The following NTM variants were observed in gnomAD, a reference collection of about 807,000 sequenced individuals.
NTM encodes the protein IgLON family member 2.
In NTM, 13 loss-of-function variants were observed where a neutral mutation model predicts 42.1. That is an observed-to-expected ratio of 0.31 (90% CI 0.20 to 0.49). The LOEUF is 0.49. Ranked by LOEUF, NTM falls within the 20% of genes least tolerant of loss-of-function variation. The pLI, the probability that NTM is intolerant of heterozygous loss-of-function variation, is 0.99. For missense variants in NTM, 373 were observed against 452.8 expected (o/e 0.82, Z 1.60); for synonymous variants, 187 against 179.2 (o/e 1.04, Z -0.35).
intron 4 of NTM, among the ~76,000 whole-genome samples, chr11:132,213,155 T>C (rs2083169423): frequency 6.6e-6 from 1 of 152,138 alleles, no homozygotes; most frequent in South Asian, 2.1e-4. Flanking sequence ...TGATTATGTA[T>C]GTATATATGT....
chr11:131,871,124 A>G (rs2047737790), intron 1 of NTM, among the ~76,000 whole-genome samples: 1 of 152,200 alleles, frequency 6.6e-6, no homozygotes, highest in South Asian at 2.1e-4. Context: ...CACTACCAAG[A>G]AAGAGTTTGT....
At chr11:131,650,082 C>A (rs570657495) in intron 1 of NTM, among the ~76,000 whole-genome samples, 1 of 152,154 alleles carries the variant, frequency 6.6e-6, no homozygotes, top group Non-Finnish European at 1.5e-5. Flanking sequence ...GAGGAGGGAA[C>A]AAGGCCCAGG....
At chr11:131,977,399 A>G (rs1240051670) in intron 2 of NTM, among the ~76,000 whole-genome samples, 1 of 152,212 alleles carries the variant, frequency 6.6e-6, no homozygotes, top group African/African-American at 2.4e-5. Context: ...GCCCATGCCA[A>G]ATAGCTCTGT....
intron 1 of NTM, among the ~76,000 whole-genome samples, chr11:131,642,441 G>T (rs929908163): frequency 1.3e-5 from 2 of 152,182 alleles, no homozygotes; most frequent in Non-Finnish European, 2.9e-5. Context: ...ATAAACTCAG[G>T]TATCACTCTG....
intron 2 of NTM, among the ~76,000 whole-genome samples, chr11:132,005,282 G>T (rs2070507744): frequency 1.3e-5 from 2 of 152,180 alleles, no homozygotes; most frequent in African/African-American, 4.8e-5. Context: ...AGAAAGACTG[G>T]AGAATAAATC....
At position 132,003,856 on chromosome 11, in the gene NTM, C is replaced by T. The variant is rs530240169; in HGVS notation, c.167+92208C>T. ...TTAAAATTGATTTCTCACCTAGCCA[C>T]ACAGATTATCTAAAAGGTCAAGATT... On this transcript the variant is annotated intron_variant, in intron 2 of 8. Transcript: ENST00000683400. The surrounding 1 kb of genome is among the most constrained non-coding windows in gnomAD (Gnocchi z 6.0). Among the ~76,000 whole-genome samples, 11 of 152,322 alleles carry T rather than the reference C, an allele frequency of 7.2e-5. 1 individual carries two copies. The Middle Eastern group carries it at 0.014, about 188-fold the overall frequency.
At chr11:131,811,273 C>G (rs539448289) in intron 1 of NTM, among the ~76,000 whole-genome samples, 79 of 152,266 alleles carry the variant, frequency 5.2e-4, no homozygotes, top group African/African-American at 1.8e-3. Context: ...CCTTTGTGTC[C>G]TCATAGCAGA....
At chr11:132,137,584 T>C (rs1411573683) in intron 2 of NTM, among the ~76,000 whole-genome samples, 1 of 152,190 alleles carries the variant, frequency 6.6e-6, no homozygotes, top group African/African-American at 2.4e-5. Flanking sequence ...GAGCAGAGTT[T>C]AATAAAGTGG....
At chr11:131,634,647 AG>A (rs201405475) in intron 1 of NTM, among the ~76,000 whole-genome samples, 13 of 151,396 alleles carry the variant, frequency 8.6e-5, no homozygotes, top group South Asian at 2.1e-4. Context: ...ACTAGAAAAA[AG>A]AAAAAAGAGT....
At chr11:131,429,578 C>T (rs1018916540) in intron 1 of NTM, among the ~76,000 whole-genome samples, 6 of 152,230 alleles carry the variant, frequency 3.9e-5, no homozygotes, top group East Asian at 3.9e-4. Flanking sequence ...CTGTTTATCT[C>T]GCATAGGAGT....
intron 4 of NTM, among the ~76,000 whole-genome samples, chr11:132,239,431 T>C (rs1211087558): frequency 5.3e-5 from 8 of 152,198 alleles, no homozygotes; most frequent in African/African-American, 1.7e-4. Flanking sequence ...TTAAAAATGG[T>C]TTATTAGAAA....
chr11:132,062,940 C>T (rs1282968028), intron 2 of NTM, among the ~76,000 whole-genome samples: 2 of 152,120 alleles, frequency 1.3e-5, no homozygotes, highest in Non-Finnish European at 2.9e-5. Flanking sequence ...GAAAGGAAAG[C>T]TCAGGGGCTT....
At chr11:132,297,146 A>C (rs2094642821) in intron 4 of NTM, among the ~76,000 whole-genome samples, 1 of 152,182 alleles carries the variant, frequency 6.6e-6, no homozygotes, top group East Asian at 1.9e-4. Context: ...ATGCCAATTG[A>C]AAATACACAG....
intron 1 of NTM, among the ~76,000 whole-genome samples, chr11:131,722,697 C>T (rs1307409396): frequency 6.6e-6 from 1 of 152,192 alleles, no homozygotes; most frequent in Non-Finnish European, 1.5e-5. Flanking sequence ...GTGTGAGCTG[C>T]AGGGCCACTA....
At chr11:132,326,238 G>T (rs1214603466) in intron 7 of NTM, among the ~76,000 whole-genome samples, 1 of 152,146 alleles carries the variant, frequency 6.6e-6, no homozygotes, top group African/African-American at 2.4e-5. Flanking sequence ...CTAGAGCATG[G>T]ACATGCATTG....
chr11:132,320,193 C>T (rs111746931), intron 7 of NTM, among the ~76,000 whole-genome samples: 1 of 152,206 alleles, frequency 6.6e-6, no homozygotes, highest in Non-Finnish European at 1.5e-5. Context: ...TGAATAGGAA[C>T]AGCTCTGGTC....
At chr11:132,240,555 T>C (rs1229609232) in intron 4 of NTM, among the ~76,000 whole-genome samples, 1 of 152,216 alleles carries the variant, frequency 6.6e-6, no homozygotes, top group Non-Finnish European at 1.5e-5. Context: ...GATTGTCCTG[T>C]TCCAAACATG....
intron 1 of NTM, among the ~76,000 whole-genome samples, chr11:131,573,081 T>C (rs1247829685): frequency 1.3e-5 from 2 of 152,178 alleles, no homozygotes; most frequent in Non-Finnish European, 2.9e-5. Flanking sequence ...GACAAGGCCC[T>C]GGAGAATCCC....
intron 1 of NTM, among the ~76,000 whole-genome samples, chr11:131,657,901 G>A (rs1441698359): frequency 6.6e-6 from 1 of 152,164 alleles, no homozygotes; most frequent in Non-Finnish European, 1.5e-5. Context: ...CAGAACCACA[G>A]GGCAAGGCAG....
Sources: allele counts gnomAD v4.1 joint callset (sites outside exome capture counted in the v4.1 genomes callset), GRCh38; gene constraint gnomAD v4.1.1; non-coding constraint Gnocchi (gnomAD v3.1); transcripts MANE v1.5; gene names NCBI Gene and HGNC (gene_info 2026-07-23, HGNC 2026-07-21).